Variants in TNIP3 observed in about 807,000 individuals in gnomAD.
TNIP3 encodes the protein TNFAIP3 interacting protein 3.
A neutral mutation model predicts 54.1 loss-of-function variants in TNIP3; 34 were observed. The observed-to-expected ratio is 0.63, with a 90% CI of 0.48 to 0.84. The LOEUF is 0.84. Ranked by LOEUF, TNIP3 falls within the 40% of genes least tolerant of loss-of-function variation. The pLI is 0.00. For synonymous variants in TNIP3, 134 were observed against 136.8 expected, an observed-to-expected ratio of 0.98 and a Z score of 0.14; for missense variants, 366 against 387.6, an observed-to-expected ratio of 0.94 and a Z score of 0.47.
At chr4:121,189,652 T>G (rs1278342393) in intron 2 of TNIP3, among the ~76,000 whole-genome samples, 1 of 152,154 alleles carries the variant, frequency 6.6e-6, no homozygotes, top group East Asian at 1.9e-4. Context: ...GAGAGAGGGT[T>G]TGCTGAGAGA....
upstream of TNIP3, among the ~76,000 whole-genome samples, chr4:121,166,535 G>A (rs1730775888): frequency 6.6e-6 from 1 of 152,160 alleles, no homozygotes; most frequent in Non-Finnish European, 1.5e-5. Context: ...ATGTTTCCAA[G>A]GCTGTTGTGA....
chr4:121,158,073 G>A (rs1165760504), intron 3 of TNIP3, among the ~76,000 whole-genome samples: 1 of 152,188 alleles, frequency 6.6e-6, no homozygotes, highest in Non-Finnish European at 1.5e-5. Flanking sequence ...TTAGGGGAAA[G>A]TACTTGCTCT....
At chr4:121,193,775 T>G (rs541980411) in intron 2 of TNIP3, among the ~76,000 whole-genome samples, 11 of 152,034 alleles carry the variant, frequency 7.2e-5, no homozygotes, top group African/African-American at 2.7e-4. Context: ...ATGAGAAAAA[T>G]CCAAACTATG....
At position 121,133,371 on chromosome 4, in the gene TNIP3, T is replaced by A. The variant is rs144340516; in HGVS notation, c.947-709A>T. On this transcript the variant is annotated intron_variant, in intron 10 of 10. Transcript: ENST00000057513. ...GTAACAGAAAAAGCAAATAGGAAGA[T>A]AATAAGTTACTTTTCCAGGCTGAAA... is the stretch of plus-strand genomic sequence containing the variant. Among the ~76,000 whole-genome samples the A allele has an allele frequency of 5.7e-3, 870 of 152,298 alleles. 8 individuals are homozygous for A. The highest frequency in any genetic ancestry group is 0.02 in the African/African-American group (814 of 41,574).
chr4:121,177,016 A>G (rs963294558), intron 3 of TNIP3, among the ~76,000 whole-genome samples: 2 of 152,176 alleles, frequency 1.3e-5, no homozygotes, highest in Non-Finnish European at 2.9e-5. Flanking sequence ...GGTAAATTCA[A>G]TTCTGGCAGG....
chr4:121,170,159 C>T (rs552686755), intron 3 of TNIP3, among the ~76,000 whole-genome samples: 17 of 152,224 alleles, frequency 1.1e-4, no homozygotes, highest in Non-Finnish European at 1.6e-4. Context: ...AACTCTAGCA[C>T]TTATTGTAAA....
At chr4:121,168,030 C>T (rs759290736), upstream of TNIP3, among the ~76,000 whole-genome samples, 2 of 152,096 alleles carry the variant, frequency 1.3e-5, no homozygotes, top group Non-Finnish European at 2.9e-5. Flanking sequence ...GATCAAAAAT[C>T]TTGGAGTCAT....
chr4:121,164,305 T>C lies in TNIP3; in HGVS notation c.-180A>G. On this transcript the variant is annotated 5_prime_UTR_variant, in exon 1 of 11. Coordinates refer to ENST00000057513, the MANE Select transcript of TNIP3 (RefSeq NM_024873.6). Reference sequence around the variant, plus strand: ...AAAAATGAACAGAAGTGACTGTGGATAGGAATTACACAGAATAAAGTTATA... The same window carrying C: ...AAAAATGAACAGAAGTGACTGTGGACAGGAATTACACAGAATAAAGTTATA... 7.0e-7 allele frequency: 1 copy of C among 1,424,126 alleles called. No homozygotes were observed. The highest frequency in any genetic ancestry group is 9.2e-7 in the Non-Finnish European group (1 of 1,092,398). The allele number at this position is 1,424,126 out of a possible 1,614,324, so 88.2% of individuals were successfully genotyped here.
At chr4:121,200,162 C>G (rs1725803581) in intron 2 of TNIP3, among the ~76,000 whole-genome samples, 2 of 152,190 alleles carry the variant, frequency 1.3e-5, no homozygotes, top group African/African-American at 4.8e-5. Context: ...CACAGACATG[C>G]TAAGGGAGCT....
intron 1 of TNIP3, among the ~76,000 whole-genome samples, chr4:121,222,944 T>C (rs893898224): frequency 1.3e-5 from 2 of 151,946 alleles, no homozygotes; most frequent in African/African-American, 4.8e-5. Flanking sequence ...TAGCTGGGAC[T>C]ACAGGCGCCC....
At chr4:121,200,474 G>A (rs1437134951) in intron 2 of TNIP3, among the ~76,000 whole-genome samples, 2 of 152,136 alleles carry the variant, frequency 1.3e-5, no homozygotes, top group African/African-American at 4.8e-5. Context: ...TCTTTACGCA[G>A]AGCTTTGACA....
chr4:121,220,652 A>T (rs1351596934), upstream of TNIP3, among the ~76,000 whole-genome samples: 1 of 152,174 alleles, frequency 6.6e-6, no homozygotes, highest in Non-Finnish European at 1.5e-5. Flanking sequence ...ATTTAAATAT[A>T]TAATGGCAAA....
At chr4:121,189,958 G>A (rs772519209) in intron 2 of TNIP3, among the ~76,000 whole-genome samples, 16 of 152,208 alleles carry the variant, frequency 1.1e-4, no homozygotes, top group African/African-American at 2.4e-4. Flanking sequence ...CAGGAGGACC[G>A]TGCAGGCAGA....
At chr4:121,182,559 G>A in intron 3 of TNIP3, 1 of 1,204,826 alleles carries the variant, frequency 8.3e-7, no homozygotes, top group Admixed American at 2.6e-5. Context: ...CCTCTCAGCT[G>A]ACAAGGAAGT....
upstream of TNIP3, among the ~76,000 whole-genome samples, chr4:121,219,254 C>A (rs943578851): frequency 2.6e-5 from 4 of 152,152 alleles, no homozygotes; most frequent in Non-Finnish European, 5.9e-5. Context: ...GAGTATCCAA[C>A]TGGCTGAGCA....
chr4:121,174,778 G>A (rs1056035202), intron 3 of TNIP3, among the ~76,000 whole-genome samples: 1 of 152,142 alleles, frequency 6.6e-6, no homozygotes, highest in East Asian at 1.9e-4. Context: ...CTCCCCACAA[G>A]TACAAAATAA....
intron 2 of TNIP3, among the ~76,000 whole-genome samples, chr4:121,204,179 C>T (rs1430336554): frequency 1.3e-5 from 2 of 152,052 alleles, no homozygotes; most frequent in Non-Finnish European, 2.9e-5. Context: ...AATCTCGAAG[C>T]TAAAGGGCAA....
At chr4:121,162,399 A>C (rs1730507462) in intron 1 of TNIP3, among the ~76,000 whole-genome samples, 1 of 152,162 alleles carries the variant, frequency 6.6e-6, no homozygotes, top group East Asian at 1.9e-4. Context: ...TGGGTCAATA[A>C]ATTCTGAATG....
intron 3 of TNIP3, among the ~76,000 whole-genome samples, chr4:121,178,385 C>T (rs770768129): frequency 8.5e-5 from 13 of 152,190 alleles, no homozygotes; most frequent in Admixed American, 3.9e-4. Context: ...TCTGACCCTC[C>T]GGCAAACACT....
Sources: allele counts gnomAD v4.1 joint callset (sites outside exome capture counted in the v4.1 genomes callset), GRCh38; gene constraint gnomAD v4.1.1; transcripts MANE v1.5; gene names NCBI Gene and HGNC (gene_info 2026-07-23, HGNC 2026-07-21).